The following RSRP1 variants were observed in gnomAD, a reference collection of about 807,000 sequenced individuals.
The protein encoded by RSRP1 is arginine/serine-rich protein 1.
A neutral mutation model predicts 33.0 loss-of-function variants in RSRP1; 37 were observed. That is an observed-to-expected ratio of 1.12 (90% CI 0.86 to 1.48). The LOEUF is 1.48. Ranked by LOEUF, RSRP1 falls within the 40% of genes most tolerant of loss-of-function variation. The pLI, the probability that RSRP1 is intolerant of heterozygous loss-of-function variation, is 0.00. For missense variants in RSRP1, 402 were observed against 385.3 expected (o/e 1.04, Z -0.36); for synonymous variants, 167 against 158.7 (o/e 1.05, Z -0.40).
intron 1 of RSRP1, among the ~76,000 whole-genome samples, chr1:25,254,430 T>C (rs1259436090): frequency 7.8e-6 from 1 of 128,400 alleles, no homozygotes; most frequent in Non-Finnish European, 1.7e-5. Flanking sequence ...ATGTTATGAA[T>C]AGGTTTTTGT....
At position 25,278,259 on chromosome 1, in the gene RSRP1, A is replaced by G. The variant is rs679693; in HGVS notation, c.-66-31230T>C. Among the ~76,000 whole-genome samples the G allele has an allele frequency of 2.3e-4, 30 of 130,294 alleles. 3 individuals are homozygous for G. Among genetic ancestry groups the G allele is most frequent in the South Asian group, 7.2e-4 (3 of 4,184 alleles). The allele number at this position is 130,294 out of a possible 152,430, so 85.5% of individuals were successfully genotyped here. ...GCATAGAGAGGTGCCAGTTCCTGAG[A>G]TGAGAGACAGAAGGGGAGGGACAGG... is the stretch of plus-strand genomic sequence containing the variant. On this transcript the variant is annotated intron_variant, in intron 1 of 1. Coordinates refer to the RSRP1 transcript ENST00000561867.
Position 25,328,918 on chromosome 1 carries a change from A to AT in RSRP1, c.-67+9059dup, listed in dbSNP as rs1461349743. On this transcript the variant is annotated intron_variant, in intron 1 of 1. Coordinates refer to the RSRP1 transcript ENST00000561867. ...TACAGTTTCCTCATTTGGCTGTTGG[A>AT]TTTTAAGCAAAAGCATCCAAGAAAA... is the stretch of plus-strand genomic sequence containing the variant. 2 of 1,279,278 alleles carry AT rather than the reference A, an allele frequency of 1.6e-6. 1 individual carries two copies. Among genetic ancestry groups the AT allele is most frequent in the Non-Finnish European group, 2.2e-6 (2 of 895,516 alleles). 79.2% of individuals were successfully genotyped at this position (1,279,278 alleles called of 1,614,324 possible). A position where few individuals can be genotyped will look rare whatever the true frequency, so the allele number is the denominator to read the frequency against.
intron 1 of RSRP1, among the ~76,000 whole-genome samples, chr1:25,262,905 C>A (rs1375106504): frequency 2.0e-5 from 3 of 152,192 alleles, no homozygotes; most frequent in Non-Finnish European, 4.4e-5. Context: ...TCTGGAAATA[C>A]CCTCACAGAC....
At chr1:25,305,571 G>C (rs552607374) in intron 1 of RSRP1, among the ~76,000 whole-genome samples, 2 of 119,450 alleles carry the variant, frequency 1.7e-5, no homozygotes, top group East Asian at 4.1e-4. Flanking sequence ...TAATTTTCGT[G>C]TGTGTATGTA....
At chr1:25,319,869 G>A (rs183348449) in intron 1 of RSRP1, among the ~76,000 whole-genome samples, 7 of 131,932 alleles carry the variant, frequency 5.3e-5, no homozygotes, top group African/African-American at 1.8e-4. Flanking sequence ...AGAAGTGAAA[G>A]CAAAGAGCCT....
At chr1:25,293,187 G>T (rs531635502) in intron 1 of RSRP1, among the ~76,000 whole-genome samples, 1 of 130,802 alleles carries the variant, frequency 7.6e-6, no homozygotes, top group East Asian at 2.0e-4. Flanking sequence ...CTATAAAGGG[G>T]AACAGAGAAA....
chr1:25,321,398 T>C (rs1219265961), intron 1 of RSRP1, among the ~76,000 whole-genome samples: 1 of 121,648 alleles, frequency 8.2e-6, no homozygotes, highest in Non-Finnish European at 1.9e-5. Context: ...TGGTGGCTCA[T>C]GCCTGTAATA....
Position 25,333,272 on chromosome 1 carries a change from T to C in RSRP1, c.-67+4706A>G, listed in dbSNP as rs1420788302. Among the ~76,000 whole-genome samples the C allele has an allele frequency of 5.3e-5, 7 of 131,566 alleles. 1 individual carries two copies. Among genetic ancestry groups the C allele is most frequent in the African/African-American group, 1.3e-4 (5 of 37,992 alleles). 86.3% of individuals were successfully genotyped at this position (131,566 alleles called of 152,430 possible). ...AACAAATAATGCCTTTCCAGTTCTC[T>C]AGGTATTCTTTAATCCAGTCAAGCT... On this transcript the variant is annotated intron_variant, in intron 1 of 1. Coordinates refer to the RSRP1 transcript ENST00000561867.
rs545641933 is a variant in RSRP1, at chr1:25,303,044, T to C, written c.-67+34934A>G. Reference sequence around the variant, plus strand: ...ACACACCACTAATGAGTGTGATGGGTGCCTAGGATGCTGAGCACCTGGACT... The same window carrying C: ...ACACACCACTAATGAGTGTGATGGGCGCCTAGGATGCTGAGCACCTGGACT... On this transcript the variant is annotated intron_variant, in intron 1 of 1. Coordinates refer to the RSRP1 transcript ENST00000561867. Among the ~76,000 whole-genome samples, 51 of 131,300 alleles carry C rather than the reference T, an allele frequency of 3.9e-4. 4 individuals are homozygous for C. In the East Asian group the frequency reaches 5.3e-3, roughly 14 times the overall value. 86.1% of individuals were successfully genotyped at this position (131,300 alleles called of 152,430 possible).
chr1:25,302,329 C>G (rs676188), intron 1 of RSRP1, among the ~76,000 whole-genome samples: 1,666 of 128,808 alleles, frequency 0.013, 163 homozygotes, highest in African/African-American at 0.039. Flanking sequence ...GGGGAAGGGG[C>G]TCCAGCTGGT....
intron 3 of RSRP1, 146 bp from the exon 4 acceptor site, chr1:25,243,779 TGAG>T (rs1260554460): frequency 7.1e-7 from 1 of 1,405,528 alleles, no homozygotes; most frequent in Non-Finnish European, 9.3e-7. Flanking sequence ...ACAGAACTAT[TGAG>T]TTTTCCCCTT....
chr1:25,309,459 G>T lies in RSRP1; in HGVS notation c.-67+28519C>A, dbSNP rs188240986. ...ATTTTAGCAACATTTTGTTTTCATT[G>T]TATCTCTTTTTACAGCTACCTCCCA... On this transcript the variant is annotated intron_variant, in intron 1 of 1. Transcript: ENST00000561867. Among the ~76,000 whole-genome samples the T allele has an allele frequency of 4.8e-4, 63 of 131,476 alleles. 15 individuals carry two copies. The highest frequency in any genetic ancestry group is 8.8e-4 in the Non-Finnish European group (49 of 55,852). 86.3% of individuals were successfully genotyped at this position (131,476 alleles called of 152,430 possible).
Position 25,305,948 on chromosome 1 carries a change from G to A in RSRP1, c.-67+32030C>T, listed in dbSNP as rs574112124. Among the ~76,000 whole-genome samples the A allele has an allele frequency of 2.6e-4, 34 of 131,900 alleles. 10 individuals carry two copies. Among genetic ancestry groups the A allele is most frequent in the Non-Finnish European group, 4.6e-4 (26 of 55,928 alleles). 86.5% of individuals were successfully genotyped at this position (131,900 alleles called of 152,430 possible). On this transcript the variant is annotated intron_variant, in intron 1 of 1. Transcript: ENST00000561867. Reference sequence around the variant, plus strand: ...AATAGGGATTCTAAGGAAGGAACCAGCCTGATTGAATTTGCATATGTGTCC... The same window carrying A: ...AATAGGGATTCTAAGGAAGGAACCAACCTGATTGAATTTGCATATGTGTCC...
intron 1 of RSRP1, among the ~76,000 whole-genome samples, chr1:25,305,167 G>A (rs1157892350): frequency 2.3e-5 from 3 of 130,520 alleles, no homozygotes; most frequent in African/African-American, 7.9e-5. Flanking sequence ...TGACAGAGAA[G>A]TAGTATTAGC....
intron 1 of RSRP1, chr1:25,306,593 C>T (rs1643858233): frequency 7.3e-7 from 1 of 1,377,650 alleles, no homozygotes; most frequent in African/African-American, 1.4e-5. Context: ...CACTTGTCCA[C>T]AGGGGTGTTG....
intron 1 of RSRP1, among the ~76,000 whole-genome samples, chr1:25,333,237 C>G (rs1262721123): frequency 3.0e-5 from 4 of 132,118 alleles, no homozygotes; most frequent in African/African-American, 1.0e-4. Flanking sequence ...AATACCCTCA[C>G]AGACACACTA....
intron 1 of RSRP1, among the ~76,000 whole-genome samples, chr1:25,262,975 A>G (rs1003201587): frequency 4.6e-5 from 7 of 152,188 alleles, no homozygotes; most frequent in African/African-American, 1.7e-4. Context: ...TCAAGCTGAC[A>G]CCTAAAATTA....
Position 25,301,787 on chromosome 1 carries a change from G to A in RSRP1, c.-67+36191C>T, listed in dbSNP as rs184775001. 8.8e-4 allele frequency: 798 copies of A among 904,998 alleles called. 129 individuals carry two copies. The highest frequency in any genetic ancestry group is 5.6e-3 in the Admixed American group (300 of 53,252). 56.1% of individuals were successfully genotyped at this position (904,998 alleles called of 1,614,324 possible). On this transcript the variant is annotated intron_variant, in intron 1 of 1. Transcript: ENST00000561867. ...CAGGGCCAGCGTGGGTTGGGAGAGGGCATGCCGGGTGGTGGAGCTGTGCCT... is the reference window on the plus strand; with the variant it reads ...CAGGGCCAGCGTGGGTTGGGAGAGGACATGCCGGGTGGTGGAGCTGTGCCT...
chr1:25,319,898 C>A (rs1441325110), intron 1 of RSRP1, among the ~76,000 whole-genome samples: 1 of 125,642 alleles, frequency 8.0e-6, no homozygotes, highest in African/African-American at 2.7e-5. Context: ...AAGAGAAATT[C>A]TTTTTTTTTT....
Sources: allele counts gnomAD v4.1 joint callset (sites outside exome capture counted in the v4.1 genomes callset), GRCh38; gene constraint gnomAD v4.1.1; transcripts MANE v1.5; gene names NCBI Gene and HGNC (gene_info 2026-07-23, HGNC 2026-07-21).